C16orf74: variants seen among roughly 807,000 people sequenced by gnomAD.
C16orf74 encodes uncharacterized protein C16orf74.
A neutral mutation model predicts 6.5 loss-of-function variants in C16orf74; 10 were observed. That is an observed-to-expected ratio of 1.54 (90% CI 0.95 to 2.61). C16orf74 has a LOEUF of 2.61. C16orf74 is among the 30% of genes most tolerant of loss of function. The pLI is 0.00. For synonymous variants in C16orf74, 60 were observed against 42.5 expected (o/e 1.41, Z -1.60); for missense variants, 141 against 105.9 (o/e 1.33, Z -1.45).
At chr16:85,737,438 C>A (rs1022741909) in intron 1 of C16orf74, among the ~76,000 whole-genome samples, 3 of 152,152 alleles carry the variant, frequency 2.0e-5, no homozygotes, top group African/African-American at 4.8e-5. Flanking sequence ...TAACTCGCAC[C>A]TGTCATCCCA....
intron 2 of C16orf74, among the ~76,000 whole-genome samples, chr16:85,728,411 C>T (rs776733677): frequency 1.2e-4 from 18 of 152,176 alleles, no homozygotes; most frequent in Non-Finnish European, 1.8e-4. Flanking sequence ...TCCCACCAAG[C>T]CCCAGGCAGC....
chr16:85,739,892 T>C (rs2054284011), intron 1 of C16orf74, among the ~76,000 whole-genome samples: 1 of 152,096 alleles, frequency 6.6e-6, no homozygotes, highest in African/African-American at 2.4e-5. Flanking sequence ...TGATTCTGAT[T>C]ATTGTACTGT....
At chr16:85,711,206 C>G (rs773837972) in intron 2 of C16orf74, among the ~76,000 whole-genome samples, 1 of 151,144 alleles carries the variant, frequency 6.6e-6, no homozygotes, top group Non-Finnish European at 1.5e-5. Context: ...CCCAGCTACT[C>G]AGGAGCTGAA....
intron 2 of C16orf74, among the ~76,000 whole-genome samples, chr16:85,723,869 T>C (rs2054106920): frequency 6.6e-6 from 1 of 152,152 alleles, no homozygotes; most frequent in Non-Finnish European, 1.5e-5. Context: ...CAGACACACA[T>C]CTGCTCTCTG....
At chr16:85,740,554 T>G (rs1412363587) in intron 1 of C16orf74, among the ~76,000 whole-genome samples, 1 of 151,786 alleles carries the variant, frequency 6.6e-6, no homozygotes, top group Non-Finnish European at 1.5e-5. Flanking sequence ...TATAAAAAAT[T>G]AGCCAGGCGT....
At chr16:85,725,164 G>T (rs557753538) in intron 2 of C16orf74, among the ~76,000 whole-genome samples, 2 of 152,280 alleles carry the variant, frequency 1.3e-5, no homozygotes, top group African/African-American at 4.8e-5. Flanking sequence ...CTGCTCCCTC[G>T]TTTAAAACAG....
At chr16:85,731,113 C>G (rs754140874) in intron 2 of C16orf74, among the ~76,000 whole-genome samples, 1 of 152,178 alleles carries the variant, frequency 6.6e-6, no homozygotes, top group Non-Finnish European at 1.5e-5. Context: ...TATGATTCTT[C>G]AAGTCCTCTC....
chr16:85,746,579 C>A (rs925973338), intron 1 of C16orf74, among the ~76,000 whole-genome samples: 2 of 152,154 alleles, frequency 1.3e-5, no homozygotes, highest in Non-Finnish European at 2.9e-5. Context: ...CACGGTGGCA[C>A]CTTGCCCTGC....
At chr16:85,739,734 G>T (rs954895455) in intron 1 of C16orf74, among the ~76,000 whole-genome samples, 4 of 152,116 alleles carry the variant, frequency 2.6e-5, no homozygotes, top group African/African-American at 9.7e-5. Flanking sequence ...TCCTTGAAGT[G>T]GAGGCTACAG....
rs114038266 is a variant in C16orf74 at position 85,746,779 on chromosome 16, C to T, written c.-19+4147G>A. Among the ~76,000 whole-genome samples, 35 of 152,320 alleles carry T rather than the reference C, an allele frequency of 2.3e-4. 1 individual carries two copies. In the South Asian group the frequency reaches 6.4e-3, roughly 28 times the overall value. ...CATGCTGCAAGCAGGGAAGAGAGTG[C>T]GGGCAAGCGGGGCTCCCAGCAGGCT... is the stretch of plus-strand genomic sequence containing the variant. On this transcript the variant is annotated intron_variant, in intron 1 of 3. Coordinates refer to ENST00000284245, the MANE Select transcript of C16orf74 (RefSeq NM_206967.3).
chr16:85,748,501 G>A (rs183095205), intron 1 of C16orf74, among the ~76,000 whole-genome samples: 3 of 151,946 alleles, frequency 2.0e-5, no homozygotes, highest in Admixed American at 1.3e-4. Context: ...AGGATGCTGA[G>A]GCAGGAGAAT....
intron 2 of C16orf74, among the ~76,000 whole-genome samples, chr16:85,715,862 G>C (rs2054017957): frequency 6.6e-6 from 1 of 152,160 alleles, no homozygotes; most frequent in African/African-American, 2.4e-5. Flanking sequence ...GCTGCAGGTG[G>C]GCAGGGCAGC....
intron 2 of C16orf74, among the ~76,000 whole-genome samples, chr16:85,725,635 G>A (rs2054125271): frequency 6.6e-6 from 1 of 152,148 alleles, no homozygotes; most frequent in Non-Finnish European, 1.5e-5. Context: ...AGGCTGGAGT[G>A]CAGTGGTTTT....
chr16:85,721,484 G>C (rs2054081891), intron 2 of C16orf74, among the ~76,000 whole-genome samples: 1 of 152,218 alleles, frequency 6.6e-6, no homozygotes. Context: ...CATCGCATTT[G>C]AATCTCAGGT....
chr16:85,717,302 G>A (rs572515582), intron 2 of C16orf74, among the ~76,000 whole-genome samples: 1 of 152,346 alleles, frequency 6.6e-6, no homozygotes, highest in South Asian at 2.1e-4. Context: ...GATCACCTGG[G>A]AAGTTAACAT....
intron 1 of C16orf74, among the ~76,000 whole-genome samples, chr16:85,746,037 T>C (rs182164371): frequency 1.3e-5 from 2 of 152,328 alleles, no homozygotes; most frequent in East Asian, 3.9e-4. Flanking sequence ...AAACTATTCA[T>C]TGTTTATCTG....
At chr16:85,708,936 G>A (rs373245332) in intron 3 of C16orf74, among the ~76,000 whole-genome samples, 1 of 152,266 alleles carries the variant, frequency 6.6e-6, no homozygotes, top group African/African-American at 2.4e-5. Context: ...GATGCCACTT[G>A]CGGGGAGGAC....
intron 2 of C16orf74, among the ~76,000 whole-genome samples, chr16:85,714,970 C>T (rs1370850439): frequency 6.6e-6 from 1 of 151,304 alleles, no homozygotes; most frequent in Non-Finnish European, 1.5e-5. Flanking sequence ...TCCTGGCTAA[C>T]ACAATGAAAC....
rs888054756 is a variant in C16orf74 at position 85,707,625 on chromosome 16, C to G, written c.*383G>C. 4.6e-6 allele frequency: 1 copy of G among 216,664 alleles called. No individual in the cohort carries two copies. Among genetic ancestry groups the G allele is most frequent in the African/African-American group, 2.3e-5 (1 of 43,930 alleles). 13.4% of individuals were successfully genotyped at this position (216,664 alleles called of 1,614,324 possible). A position where few individuals can be genotyped will look rare whatever the true frequency, so the allele number is the denominator to read the frequency against. ...TTATAAAAAACAGCCACTCCACCTG[C>G]AAGAAGTTCTTGTTGGTGCTTATGG... On this transcript the variant is annotated 3_prime_UTR_variant, in exon 4 of 4. Coordinates refer to ENST00000284245, the MANE Select transcript of C16orf74 (RefSeq NM_206967.3).
Sources: gnomAD v4.1 joint callset for allele counts (sites outside exome capture counted in the v4.1 genomes callset) on GRCh38, gnomAD v4.1.1 for gene constraint, MANE v1.5 for transcripts, NCBI Gene and HGNC (gene_info 2026-07-23, HGNC 2026-07-21) for gene names.